CACNA2D3: variants seen among roughly 807,000 people sequenced by gnomAD.
CACNA2D3 encodes the protein calcium voltage-gated channel auxiliary subunit alpha2delta 3.
A neutral mutation model predicts 160.6 loss-of-function variants in CACNA2D3; 60 were observed. The ratio of observed to expected loss-of-function variants is 0.37; its 90% confidence interval spans 0.30 to 0.46. CACNA2D3 has a LOEUF of 0.46. Among genes scored for constraint, CACNA2D3 ranks in the 20% least tolerant of loss-of-function variants. CACNA2D3 has a pLI of 1.00. For synonymous variants in CACNA2D3, 558 were observed against 492.9 expected, an observed-to-expected ratio of 1.13 and a Z score of -1.75; for missense variants, 1,205 against 1,365.0, an observed-to-expected ratio of 0.88 and a Z score of 1.85.
chr3:54,265,041 A>G (rs1392746760), intron 2 of CACNA2D3, among the ~76,000 whole-genome samples: 2 of 152,170 alleles, frequency 1.3e-5, no homozygotes, highest in East Asian at 3.9e-4. Context: ...GCTGCAATAA[A>G]CATACTTGTG....
chr3:54,438,404 A>C (rs1218809053), intron 4 of CACNA2D3, among the ~76,000 whole-genome samples: 1 of 152,220 alleles, frequency 6.6e-6, no homozygotes, highest in Non-Finnish European at 1.5e-5. Context: ...GACCACGAAG[A>C]CTTTTACAAA....
intron 4 of CACNA2D3, among the ~76,000 whole-genome samples, chr3:54,405,916 G>T (rs1699567303): frequency 6.6e-6 from 1 of 151,446 alleles, no homozygotes; most frequent in Non-Finnish European, 1.5e-5. Flanking sequence ...CTCCAAATAT[G>T]ACATAAAAAT....
intron 2 of CACNA2D3, among the ~76,000 whole-genome samples, chr3:54,187,611 G>C (rs973683187): frequency 1.3e-5 from 2 of 152,108 alleles, no homozygotes; most frequent in African/African-American, 4.8e-5. Flanking sequence ...GATTGACTAG[G>C]GCAGCAGTCC....
chr3:54,126,044 T>G (rs1032914493), intron 2 of CACNA2D3, among the ~76,000 whole-genome samples: 6 of 152,120 alleles, frequency 3.9e-5, no homozygotes, highest in African/African-American at 1.4e-4. Context: ...TATAATAGAG[T>G]GTAATTGCTC....
intron 2 of CACNA2D3, among the ~76,000 whole-genome samples, chr3:54,210,404 CTA>C (rs1206893909): frequency 1.3e-5 from 2 of 151,838 alleles, no homozygotes; most frequent in African/African-American, 4.8e-5. Context: ...TTTTAAAAAT[CTA>C]TACACTGTGC....
At position 54,453,563 on chromosome 3, in the gene CACNA2D3, A is replaced by G. The variant is rs182796084; in HGVS notation, c.382-49929A>G. On this transcript the variant is annotated intron_variant, in intron 4 of 37. Transcript: ENST00000474759. ...AAACACAGCTCAAACTAGCTTAGGCAAAACGAGCCTGTTTTGGCTCTCATA... is the reference window on the plus strand; with the variant it reads ...AAACACAGCTCAAACTAGCTTAGGCGAAACGAGCCTGTTTTGGCTCTCATA... 7.3e-4 allele frequency among the ~76,000 whole-genome samples: 111 copies of G among 152,324 alleles called. 3 individuals are homozygous for G. In the East Asian group the frequency reaches 0.02, roughly 28 times the overall value.
intron 2 of CACNA2D3, among the ~76,000 whole-genome samples, chr3:54,171,305 T>G (rs746291396): frequency 3.3e-5 from 5 of 151,746 alleles, no homozygotes; most frequent in Admixed American, 1.3e-4. Context: ...AATTCTCGAG[T>G]GCTATCGGGT....
intron 13 of CACNA2D3, among the ~76,000 whole-genome samples, chr3:54,767,544 A>C (rs1466046843): frequency 1.3e-5 from 2 of 152,122 alleles, no homozygotes; most frequent in Non-Finnish European, 2.9e-5. Context: ...ACCTATAAGC[A>C]GTGGCACCCA....
At chr3:54,479,830 A>G (rs750351935) in intron 4 of CACNA2D3, among the ~76,000 whole-genome samples, 23 of 152,238 alleles carry the variant, frequency 1.5e-4, no homozygotes, top group Non-Finnish European at 1.2e-4. Context: ...AAGCATGCTC[A>G]GTGGGCAGCT....
intron 3 of CACNA2D3, among the ~76,000 whole-genome samples, chr3:54,325,644 G>T (rs1704106399): frequency 6.6e-6 from 1 of 152,134 alleles, no homozygotes; most frequent in Non-Finnish European, 1.5e-5. Flanking sequence ...GCACTGGGGG[G>T]ATTATAGGAT....
intron 17 of CACNA2D3, among the ~76,000 whole-genome samples, chr3:54,863,576 G>A (rs568763684): frequency 1.4e-4 from 22 of 152,172 alleles, no homozygotes; most frequent in African/African-American, 3.9e-4. Flanking sequence ...TGTGGTAAGC[G>A]TGTTTGACCT....
intron 24 of CACNA2D3, among the ~76,000 whole-genome samples, chr3:54,889,787 C>T (rs549115261): frequency 6.6e-6 from 1 of 152,176 alleles, no homozygotes; most frequent in Non-Finnish European, 1.5e-5. Context: ...AAGCTGGCAA[C>T]GAATTGAGCC....
At chr3:54,858,504 G>A (rs1025294313) in intron 17 of CACNA2D3, among the ~76,000 whole-genome samples, 7 of 152,186 alleles carry the variant, frequency 4.6e-5, no homozygotes, top group African/African-American at 1.7e-4. Flanking sequence ...TAACTGCCCA[G>A]ACAATAGCAG....
chr3:54,315,727 C>T (rs1405407201), intron 2 of CACNA2D3, among the ~76,000 whole-genome samples: 3 of 151,834 alleles, frequency 2.0e-5, no homozygotes, highest in African/African-American at 7.3e-5. Flanking sequence ...CTTCTGGCAC[C>T]ATCCTGGGCC....
Position 54,509,194 on chromosome 3 carries a change from G to A in CACNA2D3, c.544+5540G>A, listed in dbSNP as rs193164367. On this transcript the variant is annotated intron_variant, in intron 5 of 37. Coordinates refer to ENST00000474759, the MANE Select transcript of CACNA2D3 (RefSeq NM_018398.3). Reference sequence around the variant, plus strand: ...ATCATTAAAATATTGTTTTCCAAGAGCTATTTGATGTGCAAGAAGGCTCAC... The same window carrying A: ...ATCATTAAAATATTGTTTTCCAAGAACTATTTGATGTGCAAGAAGGCTCAC... 8.5e-5 allele frequency among the ~76,000 whole-genome samples: 13 copies of A among 152,234 alleles called. No individual in the cohort carries two copies. In the East Asian group the frequency reaches 2.5e-3, roughly 29 times the overall value.
At chr3:54,816,488 G>C (rs1010100165) in intron 13 of CACNA2D3, among the ~76,000 whole-genome samples, 1 of 152,146 alleles carries the variant, frequency 6.6e-6, no homozygotes. Context: ...CCCTCATCCA[G>C]TTGAAAACTG....
At chr3:54,809,432 C>T (rs1575488133) in intron 13 of CACNA2D3, among the ~76,000 whole-genome samples, 1 of 142,396 alleles carries the variant, frequency 7.0e-6, no homozygotes, top group East Asian at 2.0e-4. Flanking sequence ...CATTCTCCTG[C>T]CTCAGCCTCC....
At chr3:54,626,094 C>T (rs1388942292) in intron 9 of CACNA2D3, 3 of 578,964 alleles carry the variant, frequency 5.2e-6, no homozygotes, top group Non-Finnish European at 9.3e-6. Flanking sequence ...GTTTCCCCAG[C>T]GGACAAAAGT....
At chr3:54,182,042 G>T (rs1336708931) in intron 2 of CACNA2D3, among the ~76,000 whole-genome samples, 2 of 152,134 alleles carry the variant, frequency 1.3e-5, no homozygotes, top group Non-Finnish European at 2.9e-5. Context: ...TTCTGTAAAT[G>T]TATTTACAGG....
Sources: gnomAD v4.1 joint callset for allele counts (sites outside exome capture counted in the v4.1 genomes callset) on GRCh38, gnomAD v4.1.1 for gene constraint, MANE v1.5 for transcripts, NCBI Gene and HGNC (gene_info 2026-07-23, HGNC 2026-07-21) for gene names.